MFHAS1: variants seen among roughly 807,000 people sequenced by gnomAD.
The protein encoded by MFHAS1 is malignant fibrous histiocytoma-amplified sequence 1.
MFHAS1 carries 50 observed loss-of-function variants against 70.4 expected under a neutral mutation model. The ratio of observed to expected loss-of-function variants is 0.71; its 90% CI spans 0.57 to 0.90. MFHAS1 has a LOEUF of 0.90. Among genes scored for constraint, MFHAS1 ranks in the 40% least tolerant of loss-of-function variants. The probability of loss-of-function intolerance (pLI) is 0.00; values close to 1 mark genes in which losing one functional copy is unlikely to be tolerated. For synonymous variants in MFHAS1, 952 were observed against 620.0 expected (o/e 1.54, Z -7.96); for missense variants, 1,795 against 1,347.6 (o/e 1.33, Z -5.20).
Position 8,862,194 on chromosome 8 carries a change from G to C in MFHAS1, c.2998+27867C>G, listed in dbSNP as rs535560138. On this transcript the variant is annotated intron_variant, in intron 1 of 2. Transcript: ENST00000276282. The stretch of plus-strand genomic sequence containing the variant: ...TGTCACAGCTCCTCGTCAACATTTG[G>C]TATGGTCAGTCTTTTTCATCTTAGC... Among the ~76,000 whole-genome samples the C allele has an allele frequency of 1.4e-4, 22 of 152,182 alleles. No individual in the cohort carries two copies. In the East Asian group the frequency reaches 3.7e-3, roughly 25 times the overall value.
intron 1 of MFHAS1, among the ~76,000 whole-genome samples, chr8:8,879,362 G>A (rs1460950005): frequency 1.3e-5 from 2 of 151,762 alleles, no homozygotes; most frequent in Non-Finnish European, 2.9e-5. Flanking sequence ...AAAAAAAAAA[G>A]GTAAGGACTC....
intron 1 of MFHAS1, among the ~76,000 whole-genome samples, chr8:8,829,714 G>A (rs1421037083): frequency 6.6e-6 from 1 of 152,206 alleles, no homozygotes; most frequent in Non-Finnish European, 1.5e-5. Flanking sequence ...AGATCTTTGA[G>A]AAAGGAGATT....
At chr8:8,798,325 A>T (rs1805977317) in intron 1 of MFHAS1, among the ~76,000 whole-genome samples, 1 of 152,062 alleles carries the variant, frequency 6.6e-6, no homozygotes, top group African/African-American at 2.4e-5. Flanking sequence ...TAGGAACTAA[A>T]TTTTTTGTTG....
intron 1 of MFHAS1, among the ~76,000 whole-genome samples, chr8:8,882,060 T>C (rs1809546684): frequency 6.6e-6 from 1 of 152,064 alleles, no homozygotes. Flanking sequence ...ACAATGACAA[T>C]GGCTTCCTTT....
At position 8,892,929 on chromosome 8, in the gene MFHAS1, C is replaced by A. The variant is rs972981538; in HGVS notation, c.130G>T (p.Gly44Trp). The change falls in exon 1 of 3, where the codon GGG becomes TGG. Residue 44 changes from glycine to tryptophan, a missense_variant. By Grantham distance (184) the Gly-to-Trp change is radical (BLOSUM62 -2). Coordinates refer to ENST00000276282, the MANE Select transcript of MFHAS1 (RefSeq NM_004225.3). This position sits in a 1 kb window ranked among gnomAD's most constrained non-coding sequence, Gnocchi z 4.7. ...GCGGGGGACTCGAGCGCGTCGGCCC[C>A]GGCCCCGGGGCAGGCCCCGGCGGCG... Reference protein sequence around the residue: ...LTAAGACPGAGADALESPASP... With the variant: ...LTAAGACPGAWADALESPASP... 3.0e-5 allele frequency: 47 copies of A among 1,551,248 alleles called. No individual in the cohort carries two copies. Among genetic ancestry groups the A allele is most frequent in the Admixed American group, 7.9e-5 (4 of 50,752 alleles).
At chr8:8,874,420 C>T (rs1809211263) in intron 1 of MFHAS1, among the ~76,000 whole-genome samples, 1 of 151,886 alleles carries the variant, frequency 6.6e-6, no homozygotes, top group Non-Finnish European at 1.5e-5. Context: ...ATGGAGGCAT[C>T]TCAAAAATAT....
intron 1 of MFHAS1, among the ~76,000 whole-genome samples, chr8:8,804,625 C>G (rs1416632516): frequency 6.6e-6 from 1 of 152,188 alleles, no homozygotes; most frequent in Admixed American, 6.5e-5. Flanking sequence ...TAAACAAACT[C>G]AGTGTCAGCA....
intron 1 of MFHAS1, among the ~76,000 whole-genome samples, chr8:8,803,872 TGAGG>T: frequency 6.6e-6 from 1 of 152,036 alleles, no homozygotes; most frequent in Non-Finnish European, 1.5e-5. Context: ...CTCCAGAAGC[TGAGG>T]CAGGAGAATC....
intron 1 of MFHAS1, among the ~76,000 whole-genome samples, chr8:8,874,864 T>C (rs576988176): frequency 6.6e-6 from 1 of 151,758 alleles, no homozygotes; most frequent in African/African-American, 2.4e-5. Context: ...GGTTATCTTT[T>C]ATATATGAAG....
chr8:8,886,748 A>G (rs1261425751), intron 1 of MFHAS1, among the ~76,000 whole-genome samples: 1 of 152,250 alleles, frequency 6.6e-6, no homozygotes. Flanking sequence ...TAAAATTGTT[A>G]TAGTTTATAG....
intron 1 of MFHAS1, among the ~76,000 whole-genome samples, chr8:8,849,317 G>A (rs779653061): frequency 1.3e-5 from 2 of 151,864 alleles, no homozygotes; most frequent in African/African-American, 2.4e-5. Flanking sequence ...CTGGCCTCAA[G>A]TGGCCTGCCT....
chr8:8,801,751 G>C (rs1221167705), intron 1 of MFHAS1, among the ~76,000 whole-genome samples: 1 of 152,194 alleles, frequency 6.6e-6, no homozygotes, highest in Non-Finnish European at 1.5e-5. Flanking sequence ...GAAGACGCAG[G>C]GGTCTGAGAG....
intron 2 of MFHAS1, among the ~76,000 whole-genome samples, chr8:8,789,136 TG>T (rs937416825): frequency 6.8e-6 from 1 of 146,594 alleles, no homozygotes; most frequent in Admixed American, 6.8e-5. Context: ...AAGTGGTGGC[TG>T]GGGGGGTTGG....
Position 8,853,879 on chromosome 8 carries a change from T to C in MFHAS1, c.2998+36182A>G, listed in dbSNP as rs564145540. ...TAGCTACCTATTTCTATTGTCAAGG[T>C]TATCCAACTGTTGTAGGTTAAATGG... is the stretch of plus-strand genomic sequence containing the variant. On this transcript the variant is annotated intron_variant, in intron 1 of 2. Coordinates refer to ENST00000276282, the MANE Select transcript of MFHAS1 (RefSeq NM_004225.3). Among the ~76,000 whole-genome samples, 25 of 152,286 alleles carry C rather than the reference T, an allele frequency of 1.6e-4. No homozygotes were observed. The East Asian group carries it at 4.8e-3, about 29-fold the overall frequency.
chr8:8,834,958 A>G (rs906707962), intron 1 of MFHAS1, among the ~76,000 whole-genome samples: 15 of 152,340 alleles, frequency 9.8e-5, no homozygotes, highest in Non-Finnish European at 7.3e-5. Flanking sequence ...TGGAACTGGT[A>G]GGTATCCCTT....
At chr8:8,832,619 A>AT (rs753271051) in intron 1 of MFHAS1, among the ~76,000 whole-genome samples, 10 of 114,382 alleles carry the variant, frequency 8.7e-5, no homozygotes, top group African/African-American at 5.6e-5. Context: ...TGCAACCAGA[A>AT]TTTTTTTCTT....
At chr8:8,825,883 G>C (rs1252852808) in intron 1 of MFHAS1, among the ~76,000 whole-genome samples, 1 of 152,158 alleles carries the variant, frequency 6.6e-6, no homozygotes, top group African/African-American at 2.4e-5. Flanking sequence ...TCAGCTCCTG[G>C]AGATTGTGTA....
chr8:8,850,378 A>G (rs1808198060), intron 1 of MFHAS1, among the ~76,000 whole-genome samples: 1 of 152,220 alleles, frequency 6.6e-6, no homozygotes, highest in Non-Finnish European at 1.5e-5. Context: ...AACTTCCCAT[A>G]TTAGAGAGAT....
chr8:8,893,485 C>A lies in MFHAS1; in HGVS notation c.-427G>T, dbSNP rs1327655295. The A allele has an allele frequency of 6.8e-6, 1 of 146,080 alleles. No individual in the cohort carries two copies. Among genetic ancestry groups the A allele is most frequent in the African/African-American group, 2.5e-5 (1 of 40,688 alleles). 9.0% of individuals were successfully genotyped at this position (146,080 alleles called of 1,614,324 possible). On this transcript the variant is annotated 5_prime_UTR_variant, in exon 1 of 3. Transcript: ENST00000276282. ...CTCCTGGGGGAGGGCGGCGCTCGGC[C>A]CGGCGGCGGGCATGCTGCGGGCGCA...
Sources: gnomAD v4.1 joint callset for allele counts (sites outside exome capture counted in the v4.1 genomes callset) on GRCh38, gnomAD v4.1.1 for gene constraint, Gnocchi (gnomAD v3.1) non-coding constraint, MANE v1.5 for transcripts, NCBI Gene and HGNC (gene_info 2026-07-23, HGNC 2026-07-21) for gene names.